SRGAP2: variants seen among roughly 807,000 people sequenced by gnomAD.
SRGAP2 encodes SLIT-ROBO Rho GTPase activating protein 2.
SRGAP2 carries 15 observed loss-of-function variants against 57.2 expected under a neutral mutation model. The ratio of observed to expected loss-of-function variants is 0.26; its 90% CI spans 0.18 to 0.40. The LOEUF is 0.40. SRGAP2 is among the 10% of genes least tolerant of loss of function. The pLI, the probability that SRGAP2 is intolerant of heterozygous loss-of-function variation, is 1.00. For missense variants in SRGAP2, 520 were observed against 669.6 expected (o/e 0.78, Z 2.47); for synonymous variants, 249 against 248.0 (o/e 1.00, Z -0.04).
intron 4 of SRGAP2, among the ~76,000 whole-genome samples, chr1:206,353,697 A>AAAATAAATAAATAAATAAAT (rs546673732): frequency 9.1e-5 from 13 of 142,782 alleles, no homozygotes; most frequent in African/African-American, 3.5e-4. Context: ...TCCATCTCAA[A>AAAATAAATAAATAAATAAAT]AAATAAATAA....
intron 13 of SRGAP2, among the ~76,000 whole-genome samples, chr1:206,422,025 T>G (rs1660362684): frequency 6.6e-6 from 1 of 152,248 alleles, no homozygotes; most frequent in East Asian, 1.9e-4. Flanking sequence ...TTATGTCCCC[T>G]AAGCTCATAC....
chr1:206,212,110 G>A (rs1228701117), intron 2 of SRGAP2, among the ~76,000 whole-genome samples: 3 of 152,028 alleles, frequency 2.0e-5, no homozygotes, highest in African/African-American at 7.2e-5. Flanking sequence ...CACTTGGGTT[G>A]TTTCCACCTT....
rs546301122 is a variant in SRGAP2 at position 206,310,154 on chromosome 1, CAT to C, written c.260+6684_260+6685del. Among the ~76,000 whole-genome samples, 255 of 151,764 alleles carry C rather than the reference CAT, an allele frequency of 1.7e-3. 1 individual carries two copies. The highest frequency in any genetic ancestry group is 5.8e-3 in the African/African-American group (239 of 41,052). On this transcript the variant is annotated intron_variant, in intron 3 of 22. Coordinates refer to ENST00000573034, the MANE Select transcript of SRGAP2 (RefSeq NM_015326.5). Reference sequence around the variant, plus strand: ...ATGTTTTCAATCTCTTAGGGTGAAACATATGAAATTGCTGGGTTTTTTTGTAA... The same window carrying C: ...ATGTTTTCAATCTCTTAGGGTGAAACATGAAATTGCTGGGTTTTTTTGTAA...
intron 7 of SRGAP2, among the ~76,000 whole-genome samples, chr1:206,395,989 T>C (rs1461452911): frequency 2.4e-4 from 35 of 146,908 alleles, no homozygotes; most frequent in Non-Finnish European, 4.3e-4. Context: ...ATGTTTCTTT[T>C]TTTTTTTTTT....
At chr1:206,322,459 G>A (rs1326479771) in intron 3 of SRGAP2, among the ~76,000 whole-genome samples, 12 of 151,722 alleles carry the variant, frequency 7.9e-5, no homozygotes, top group African/African-American at 2.9e-4. Context: ...AGGCGCCTGT[G>A]GTCCCAGCTA....
At chr1:206,460,045 A>G (rs537850753) in intron 22 of SRGAP2, among the ~76,000 whole-genome samples, 3 of 152,278 alleles carry the variant, frequency 2.0e-5, no homozygotes, top group African/African-American at 7.2e-5. Flanking sequence ...TGAGCATTTT[A>G]AAGGTTTGAG....
chr1:206,453,245 G>T lies in SRGAP2; in HGVS notation c.2225G>T (p.Arg742Leu). 1 of 666,208 alleles carries T rather than the reference G, an allele frequency of 1.5e-6. No homozygotes were observed. The highest frequency in any genetic ancestry group is 2.8e-6 in the Non-Finnish European group (1 of 355,604). The allele number at this position is 666,208 out of a possible 1,614,324, so 41.3% of individuals were successfully genotyped here. The change falls in exon 20 of 23, where the codon CGG becomes CTG. Residue 742 changes from arginine to leucine, a missense_variant. Arg to Leu is a moderately radical substitution (Grantham distance 102, BLOSUM62 -2). Coordinates refer to ENST00000573034, the MANE Select transcript of SRGAP2 (RefSeq NM_015326.5). ...EAIAKFDYVGRTARELSFKKG... is the reference protein window; with the variant it reads ...EAIAKFDYVGLTARELSFKKG... ...ATTGCCAAGTTTGACTACGTGGGCC[G>T]GACAGCCCGAGAGCTATCCTTTAAG...
At chr1:206,318,465 C>T (rs1429736217) in intron 3 of SRGAP2, among the ~76,000 whole-genome samples, 2 of 146,264 alleles carry the variant, frequency 1.4e-5, no homozygotes, top group Non-Finnish European at 3.0e-5. Context: ...TCCGGTAATG[C>T]GTGGAAATGT....
At chr1:206,357,712 T>A (rs1175553631) in intron 4 of SRGAP2, among the ~76,000 whole-genome samples, 1 of 150,702 alleles carries the variant, frequency 6.6e-6, no homozygotes, top group Admixed American at 6.6e-5. Flanking sequence ...GCCTCCCGAG[T>A]AGCCGGGATT....
intron 2 of SRGAP2, among the ~76,000 whole-genome samples, chr1:206,258,904 G>C (rs1669373555): frequency 6.8e-6 from 1 of 147,580 alleles, no homozygotes; most frequent in Non-Finnish European, 1.5e-5. Context: ...CATCCAGGTA[G>C]AGATGTCTGA....
intron 2 of SRGAP2, among the ~76,000 whole-genome samples, chr1:206,263,511 A>G (rs1382756233): frequency 6.6e-6 from 1 of 152,182 alleles, no homozygotes; most frequent in South Asian, 2.1e-4. Flanking sequence ...TTGAACTACA[A>G]TGATGGACAG....
rs1303343668 is a variant in SRGAP2, at chr1:206,453,455, A to C, written c.2360+75A>C. 2.6e-5 allele frequency: 13 copies of C among 496,286 alleles called. No homozygotes were observed. The East Asian group carries it at 4.5e-4, about 17-fold the overall frequency. The allele number at this position is 496,286 out of a possible 1,614,324, so 30.7% of individuals were successfully genotyped here. ...GGAGTGAGACTTCATTTCTGGAGCC[A>C]TAGGACTATGAGGGAGGCCAACCCC... is the stretch of plus-strand genomic sequence containing the variant. On this transcript the variant is annotated intron_variant, in intron 20 of 22. Coordinates refer to ENST00000573034, the MANE Select transcript of SRGAP2 (RefSeq NM_015326.5).
At chr1:206,370,803 T>A (rs1260846185) in intron 4 of SRGAP2, among the ~76,000 whole-genome samples, 1 of 152,232 alleles carries the variant, frequency 6.6e-6, no homozygotes, top group African/African-American at 2.4e-5. Context: ...AAAAATGCAG[T>A]AACTAAAAGA....
chr1:206,448,158 T>C (rs1662935621), intron 18 of SRGAP2, among the ~76,000 whole-genome samples: 3 of 151,664 alleles, frequency 2.0e-5, no homozygotes, highest in Admixed American at 2.0e-4. Flanking sequence ...GCTAAGGCAG[T>C]AAGGAGGTGA....
chr1:206,421,040 G>A (rs17012282), intron 12 of SRGAP2, among the ~76,000 whole-genome samples: 2,937 of 152,278 alleles, frequency 0.019, 98 homozygotes, highest in African/African-American at 0.067. Context: ...AGGCTTTATT[G>A]TGGAAGTAAT....
At chr1:206,430,828 C>T (rs1661222714) in intron 14 of SRGAP2, among the ~76,000 whole-genome samples, 1 of 152,206 alleles carries the variant, frequency 6.6e-6, no homozygotes, top group Admixed American at 6.5e-5. Context: ...CTTATAAACA[C>T]CATTCCTCAC....
chr1:206,450,654 C>T (rs1363633738), intron 19 of SRGAP2, among the ~76,000 whole-genome samples, 189 bp downstream of exon 19: 5 of 152,138 alleles, frequency 3.3e-5, no homozygotes, highest in Non-Finnish European at 7.3e-5. Context: ...TAGAATCGCT[C>T]GTATTAAACC....
chr1:206,235,825 G>GA (rs1217196493), intron 2 of SRGAP2, among the ~76,000 whole-genome samples: 1 of 2,458 alleles, frequency 4.1e-4, no homozygotes, highest in East Asian at 5.3e-3. Flanking sequence ...ATTTTCAGGG[G>GA]AAAAAAAGTG....
intron 16 of SRGAP2, among the ~76,000 whole-genome samples, chr1:206,438,701 A>C (rs1335135869): frequency 3.3e-5 from 5 of 152,178 alleles, no homozygotes; most frequent in Non-Finnish European, 5.9e-5. Context: ...ACACCCTCTC[A>C]TTTGTTTGCC....
Sources: gnomAD v4.1 joint callset for allele counts (sites outside exome capture counted in the v4.1 genomes callset) on GRCh38, gnomAD v4.1.1 for gene constraint, MANE v1.5 for transcripts, NCBI Gene and HGNC (gene_info 2026-07-23, HGNC 2026-07-21) for gene names.